Variants in UNC5C observed in about 807,000 individuals in gnomAD.
UNC5C encodes netrin receptor UNC5C.
UNC5C carries 47 observed loss-of-function variants against 99.8 expected under a neutral mutation model. The observed-to-expected ratio is 0.47, with a 90% confidence interval of 0.37 to 0.60. The LOEUF (loss-of-function observed/expected upper bound fraction) is 0.60. Ranked by LOEUF, UNC5C falls within the 20% of genes least tolerant of loss-of-function variation. The pLI is 0.00. For missense variants in UNC5C, 1,062 were observed against 1,165.9 expected (o/e 0.91, Z 1.30); for synonymous variants, 487 against 452.2 (o/e 1.08, Z -0.98).
At chr4:95,185,299 G>T (rs972780087) in intron 12 of UNC5C, 103 bp from the exon 13 acceptor site, 8 of 1,416,190 alleles carry the variant, frequency 5.6e-6, no homozygotes, top group Non-Finnish European at 6.7e-6. Context: ...AATGGCAGGC[G>T]GAACTTGTGC....
intron 10 of UNC5C, among the ~76,000 whole-genome samples, chr4:95,214,392 G>A (rs1449942602): frequency 2.0e-5 from 3 of 152,184 alleles, no homozygotes; most frequent in Non-Finnish European, 4.4e-5. Context: ...ACTTCAGATG[G>A]TAGGCATAGC....
In UNC5C at chr4:95,516,589, G is replaced by A. The variant is rs118040595; in HGVS notation, c.124+32145C>T. On this transcript the variant is annotated intron_variant, in intron 1 of 15. Coordinates refer to ENST00000453304, the MANE Select transcript of UNC5C (RefSeq NM_003728.4). ...GTGTAAATGCCAGTGGCAGTCGGCC[G>A]CCCTCTTCATAGTGGACGCTGGAGC... 5.1e-3 allele frequency among the ~76,000 whole-genome samples: 774 copies of A among 152,280 alleles called. 13 individuals carry two copies. In the East Asian group the frequency reaches 0.063, roughly 12 times the overall value.
chr4:95,469,367 T>A (rs965048072), intron 1 of UNC5C, among the ~76,000 whole-genome samples: 5 of 152,182 alleles, frequency 3.3e-5, no homozygotes, highest in African/African-American at 1.2e-4. Context: ...CAGCTTCAGA[T>A]CTTTCACCTT....
At chr4:95,326,923 A>G (rs1032710098) in intron 2 of UNC5C, among the ~76,000 whole-genome samples, 3 of 152,214 alleles carry the variant, frequency 2.0e-5, no homozygotes, top group African/African-American at 7.2e-5. Flanking sequence ...TTGTCACTAA[A>G]TATCCTTCTA....
intron 1 of UNC5C, among the ~76,000 whole-genome samples, chr4:95,509,469 A>G (rs1271749741): frequency 1.3e-5 from 2 of 151,772 alleles, no homozygotes; most frequent in Non-Finnish European, 2.9e-5. Context: ...AAATAAAGAA[A>G]GATGCTAAAA....
chr4:95,381,945 T>G (rs958838132), intron 1 of UNC5C, among the ~76,000 whole-genome samples: 4 of 152,024 alleles, frequency 2.6e-5, no homozygotes, highest in African/African-American at 4.8e-5. Flanking sequence ...AATAGTCTCT[T>G]AGAAGAAAAG....
intron 1 of UNC5C, among the ~76,000 whole-genome samples, chr4:95,468,325 T>C (rs1441529984): frequency 6.6e-6 from 1 of 152,110 alleles, no homozygotes; most frequent in Non-Finnish European, 1.5e-5. Context: ...CTTCTCTGTC[T>C]TTTTTTATTA....
At chr4:95,309,819 T>C (rs1358940853) in intron 2 of UNC5C, among the ~76,000 whole-genome samples, 1 of 152,180 alleles carries the variant, frequency 6.6e-6, no homozygotes, top group Non-Finnish European at 1.5e-5. Context: ...ACCCTTGCAC[T>C]CTGTTGGTGG....
At chr4:95,198,296 C>A (rs1362010179) in intron 12 of UNC5C, among the ~76,000 whole-genome samples, 1 of 152,120 alleles carries the variant, frequency 6.6e-6, no homozygotes, top group Non-Finnish European at 1.5e-5. Context: ...GTGAGGGAGC[C>A]TCTCCTTAAG....
chr4:95,402,037 A>G (rs1291198858), intron 1 of UNC5C, among the ~76,000 whole-genome samples: 1 of 152,176 alleles, frequency 6.6e-6, no homozygotes, highest in Non-Finnish European at 1.5e-5. Flanking sequence ...ATGCAATTTC[A>G]CATATCAATT....
intron 4 of UNC5C, among the ~76,000 whole-genome samples, chr4:95,271,632 A>C (rs1051212254): frequency 6.6e-6 from 1 of 152,222 alleles, no homozygotes; most frequent in African/African-American, 2.4e-5. Context: ...CTTCTGAAAG[A>C]CTAAATATTT....
At chr4:95,344,815 T>A (rs1387176113) in intron 1 of UNC5C, among the ~76,000 whole-genome samples, 2 of 151,818 alleles carry the variant, frequency 1.3e-5, no homozygotes, top group South Asian at 4.2e-4. Flanking sequence ...ACAAGCCTCA[T>A]GATAACCTCA....
At chr4:95,264,231 C>A (rs1174264963) in intron 4 of UNC5C, among the ~76,000 whole-genome samples, 1 of 152,128 alleles carries the variant, frequency 6.6e-6, no homozygotes, top group Non-Finnish European at 1.5e-5. Context: ...TCAGCTGAAA[C>A]GTGTTAGCAA....
intron 3 of UNC5C, among the ~76,000 whole-genome samples, chr4:95,293,254 CCAAGGTCTG>C (rs1741547383): frequency 6.7e-6 from 1 of 148,902 alleles, no homozygotes; most frequent in African/African-American, 2.5e-5. Context: ...AGGCAGGAAG[CCAAGGTCTG>C]TTTATGTTTC....
At chr4:95,291,311 G>C (rs180955688) in intron 3 of UNC5C, among the ~76,000 whole-genome samples, 1 of 152,198 alleles carries the variant, frequency 6.6e-6, no homozygotes, top group African/African-American at 2.4e-5. Context: ...TGAGGAAACT[G>C]ACATACCAAA....
chr4:95,252,445 G>C lies in UNC5C; in HGVS notation c.595-1778C>G, dbSNP rs1049075198. 3.3e-5 allele frequency among the ~76,000 whole-genome samples: 5 copies of C among 152,098 alleles called. No homozygotes were observed. In the South Asian group the frequency reaches 6.2e-4, roughly 19 times the overall value. ...CTCTTCTCTGAAGAGCAGCCCTCAGGCTCACGGATTGTTTTTGCCAAGGAT... is the reference window on the plus strand; with the variant it reads ...CTCTTCTCTGAAGAGCAGCCCTCAGCCTCACGGATTGTTTTTGCCAAGGAT... On this transcript the variant is annotated intron_variant, in intron 4 of 15. Coordinates refer to ENST00000453304, the MANE Select transcript of UNC5C (RefSeq NM_003728.4).
chr4:95,209,133 AGT>A (rs1373053952), intron 10 of UNC5C, among the ~76,000 whole-genome samples: 3 of 152,180 alleles, frequency 2.0e-5, no homozygotes, highest in Non-Finnish European at 4.4e-5. Context: ...GCAACCATTG[AGT>A]GTGTAGACTT....
chr4:95,170,132 C>T, intron 15 of UNC5C, 22 bp downstream of exon 15: 1 of 1,607,310 alleles, frequency 6.2e-7, no homozygotes, highest in Admixed American at 1.7e-5. Flanking sequence ...AGAAGCTAGT[C>T]TTGGGGCCAG....
Position 95,167,441 on chromosome 4 carries a change from G to C in UNC5C, c.*1793C>G, listed in dbSNP as rs146647810. The C allele has an allele frequency of 2.6e-4, 40 of 152,276 alleles. No individual in the cohort carries two copies. Among genetic ancestry groups the C allele is most frequent in the African/African-American group, 9.6e-4 (40 of 41,560 alleles). The allele number at this position is 152,276 out of a possible 1,614,324, so 9.4% of individuals were successfully genotyped here. ...AAGTTTTTAAAGAGCTAACTAGACA[G>C]CTTTTATAAATGCTACTGAATATTA... On this transcript the variant is annotated 3_prime_UTR_variant, in exon 16 of 16. Transcript: ENST00000453304.
Sources: gnomAD v4.1 joint callset for allele counts (sites outside exome capture counted in the v4.1 genomes callset) on GRCh38, gnomAD v4.1.1 for gene constraint, MANE v1.5 for transcripts, NCBI Gene and HGNC (gene_info 2026-07-23, HGNC 2026-07-21) for gene names.